RGS5: variants seen among roughly 807,000 people sequenced by gnomAD.
RGS5 encodes regulator of G protein signaling 5, also known as regulator of G-protein signalling 5.
RGS5 carries 20 observed loss-of-function variants against 18.9 expected under a neutral mutation model. The observed-to-expected ratio is 1.06, with a 90% CI of 0.74 to 1.54. The LOEUF (loss-of-function observed/expected upper bound fraction) is 1.54. RGS5 is among the 40% of genes most tolerant of loss of function. The pLI is 0.00. For missense variants in RGS5, 201 were observed against 211.8 expected (o/e 0.95, Z 0.32); for synonymous variants, 57 against 76.2 (o/e 0.75, Z 1.31).
intron 1 of RGS5, among the ~76,000 whole-genome samples, chr1:163,201,023 G>A (rs1374274727): frequency 1.3e-5 from 2 of 152,094 alleles, no homozygotes; most frequent in Non-Finnish European, 1.5e-5. Flanking sequence ...ATTTTCAACA[G>A]AAATTTTATT....
At chr1:163,321,315 G>C (rs1650200498) in intron 1 of RGS5, 5 of 152,158 alleles carry the variant, frequency 3.3e-5, no homozygotes. Context: ...TTTCATATCG[G>C]TGAAAGCGAG....
chr1:163,240,941 G>T (rs1647776066), intron 2 of RGS5, among the ~76,000 whole-genome samples: 1 of 152,120 alleles, frequency 6.6e-6, no homozygotes, highest in Non-Finnish European at 1.5e-5. Flanking sequence ...TTTGTTGGTT[G>T]TTCCTCAAAC....
chr1:163,212,728 T>TA (rs1660134107), intron 1 of RGS5: 1 of 152,328 alleles, frequency 6.6e-6, no homozygotes, highest in East Asian at 1.9e-4. Context: ...CCTAAGTATC[T>TA]AGACCACAGC....
chr1:163,275,650 G>A (rs564639758), intron 2 of RGS5, among the ~76,000 whole-genome samples: 2 of 152,290 alleles, frequency 1.3e-5, no homozygotes, highest in Admixed American at 6.5e-5. Context: ...CCAGAGAACT[G>A]AAATGGTTAT....
At chr1:163,190,068 C>T (rs1274853482) in intron 1 of RGS5, among the ~76,000 whole-genome samples, 1 of 152,088 alleles carries the variant, frequency 6.6e-6, no homozygotes, top group Non-Finnish European at 1.5e-5. Context: ...ATTTCCCCTA[C>T]CTAGTATTGT....
At chr1:163,196,126 C>T (rs1659556195) in intron 1 of RGS5, among the ~76,000 whole-genome samples, 1 of 152,104 alleles carries the variant, frequency 6.6e-6, no homozygotes, top group Non-Finnish European at 1.5e-5. Flanking sequence ...AACAATCAGG[C>T]TTTCACTGTC....
chr1:163,220,826 T>C (rs887965657), upstream of RGS5, among the ~76,000 whole-genome samples: 3 of 152,082 alleles, frequency 2.0e-5, no homozygotes, highest in Non-Finnish European at 2.9e-5. Flanking sequence ...GGATCAGAAT[T>C]AGGAGAAGGA....
intron 2 of RGS5, among the ~76,000 whole-genome samples, chr1:163,302,546 C>T (rs1268489791): frequency 6.6e-6 from 1 of 152,210 alleles, no homozygotes; most frequent in Admixed American, 6.5e-5. Context: ...GGATCAGAAA[C>T]CTTCAAGCAT....
intron 2 of RGS5, among the ~76,000 whole-genome samples, chr1:163,298,771 G>A (rs142537368): frequency 2.0e-5 from 3 of 152,070 alleles, no homozygotes; most frequent in Admixed American, 6.6e-5. Flanking sequence ...AGCCACTTAA[G>A]GGAGTTCAGA....
At chr1:163,286,435 A>T (rs906784834) in intron 2 of RGS5, among the ~76,000 whole-genome samples, 2 of 136,524 alleles carry the variant, frequency 1.5e-5, no homozygotes, top group African/African-American at 5.3e-5. Flanking sequence ...TAATTTATGC[A>T]CATAATATAC....
intron 2 of RGS5, among the ~76,000 whole-genome samples, chr1:163,269,081 A>C (rs1009234942): frequency 1.3e-5 from 2 of 152,180 alleles, no homozygotes; most frequent in Non-Finnish European, 2.9e-5. Context: ...GCATCTCTGG[A>C]GAGAACCAAA....
At chr1:163,172,264 ACTGT>A (rs1658336090) in intron 1 of RGS5, among the ~76,000 whole-genome samples, 1 of 152,190 alleles carries the variant, frequency 6.6e-6, no homozygotes, top group Non-Finnish European at 1.5e-5. Flanking sequence ...CCTTTCAAAA[ACTGT>A]CTGTATTTAA....
chr1:163,289,984 A>G (rs1366483479), intron 2 of RGS5, among the ~76,000 whole-genome samples: 1 of 152,198 alleles, frequency 6.6e-6, no homozygotes, highest in East Asian at 1.9e-4. Context: ...AATATTCAAC[A>G]TGGAGGTTCC....
chr1:163,258,635 G>A (rs1648341579), intron 2 of RGS5, among the ~76,000 whole-genome samples: 1 of 150,508 alleles, frequency 6.6e-6, no homozygotes, highest in Non-Finnish European at 1.5e-5. Flanking sequence ...AAATGCTAAA[G>A]TAAGTGTGTC....
chr1:163,276,016 CAG>C (rs1429218424), intron 2 of RGS5, among the ~76,000 whole-genome samples: 2 of 148,398 alleles, frequency 1.3e-5, no homozygotes, highest in Non-Finnish European at 3.0e-5. Context: ...TTTTTTTTTT[CAG>C]AGTTTCACTC....
Position 163,195,902 on chromosome 1 carries a change from T to G in RGS5, c.44+6890A>C, listed in dbSNP as rs532076443. Among the ~76,000 whole-genome samples, 217 of 152,200 alleles carry G rather than the reference T, an allele frequency of 1.4e-3. 1 individual carries two copies. The highest frequency in any genetic ancestry group is 2.5e-3 in the Non-Finnish European group (167 of 68,000). ...TTTTAGCACTTCTGAGAAAATGAAG[T>G]TCAGAGAGGTTTGGTGACTTCCCAA... On this transcript the variant is annotated intron_variant, in intron 1 of 4. Coordinates refer to ENST00000313961, the MANE Select transcript of RGS5 (RefSeq NM_003617.4).
At position 163,145,776 on chromosome 1, in the gene RGS5, A is replaced by C. The variant is rs1405958126; in HGVS notation, c.*1566T>G. 1.3e-5 allele frequency: 2 copies of C among 152,216 alleles called. No homozygotes were observed. Among genetic ancestry groups the C allele is most frequent in the Non-Finnish European group, 2.9e-5 (2 of 68,040 alleles). 9.4% of individuals were successfully genotyped at this position (152,216 alleles called of 1,614,324 possible). ...AAGAATACAGTCACATAGTTGCTTC[A>C]CTTTCAATATTCTTAGGAAATAACC... On this transcript the variant is annotated 3_prime_UTR_variant, in exon 5 of 5. Coordinates refer to ENST00000313961, the MANE Select transcript of RGS5 (RefSeq NM_003617.4).
intron 2 of RGS5, among the ~76,000 whole-genome samples, chr1:163,298,044 G>A (rs1649465332): frequency 6.6e-6 from 1 of 151,962 alleles, no homozygotes; most frequent in Non-Finnish European, 1.5e-5. Flanking sequence ...ACTATTGATA[G>A]GTTTGTAGGA....
chr1:163,282,101 A>G (rs76441715), intron 2 of RGS5, among the ~76,000 whole-genome samples: 10,021 of 152,126 alleles, frequency 0.066, 369 homozygotes, highest in Middle Eastern at 0.13. Flanking sequence ...ATATCACACT[A>G]AAAAGCTCTG....
Sources: allele counts gnomAD v4.1 joint callset (sites outside exome capture counted in the v4.1 genomes callset), GRCh38; gene constraint gnomAD v4.1.1; transcripts MANE v1.5; gene names NCBI Gene and HGNC (gene_info 2026-07-23, HGNC 2026-07-21).